Variants in COL4A6 observed in about 807,000 individuals in gnomAD.
COL4A6 encodes collagen alpha-6(IV) chain.
COL4A6 carries 59 observed loss-of-function variants against 126.7 expected under a neutral mutation model. The ratio of observed to expected loss-of-function variants is 0.47; its 90% CI spans 0.38 to 0.58. COL4A6 has a LOEUF of 0.58. Ranked by LOEUF, COL4A6 falls within the 20% of genes least tolerant of loss-of-function variation. The probability of loss-of-function intolerance (pLI) is 0.00; values close to 1 mark genes in which losing one functional copy is unlikely to be tolerated. For synonymous variants in COL4A6, 547 were observed against 496.6 expected (o/e 1.10, Z -1.35); for missense variants, 1,285 against 1,337.3 (o/e 0.96, Z 0.61).
At chrX:108,385,266 G>A (rs994207190) in intron 2 of COL4A6, among the ~76,000 whole-genome samples, 9 of 106,429 alleles carry the variant, frequency 8.5e-5, no homozygotes, top group Non-Finnish European at 1.2e-4. Flanking sequence ...CTATCAAAAA[G>A]AATTAAATAT....
intron 2 of COL4A6, among the ~76,000 whole-genome samples, chrX:108,382,306 T>A (rs1265125278): frequency 8.9e-6 from 1 of 112,390 alleles, no homozygotes; most frequent in Non-Finnish European, 1.9e-5. Context: ...AGTTTTCTCG[T>A]ATCTACCCAC....
chrX:108,393,789 G>A (rs1395563092), intron 2 of COL4A6, among the ~76,000 whole-genome samples: 1 of 112,224 alleles, frequency 8.9e-6, no homozygotes, highest in Non-Finnish European at 1.9e-5. Flanking sequence ...ATACTGGAGA[G>A]GATGTGGAGA....
intron 2 of COL4A6, among the ~76,000 whole-genome samples, chrX:108,376,399 A>T (rs1346939803): frequency 9.1e-6 from 1 of 109,987 alleles, no homozygotes; most frequent in Non-Finnish European, 1.9e-5. Flanking sequence ...ATGCAAGACC[A>T]GCCTGGCCAA....
At chrX:108,214,952 T>G (rs755460647) in intron 5 of COL4A6, among the ~76,000 whole-genome samples, 43 of 111,613 alleles carry the variant, frequency 3.9e-4, no homozygotes, top group Non-Finnish European at 6.4e-4. Context: ...GTACATAGAG[T>G]CTACCCTTTT....
intron 11 of COL4A6, 180 bp from the exon 12 acceptor site, chrX:108,204,592 C>A: frequency 1.9e-6 from 1 of 530,666 alleles, no homozygotes; most frequent in East Asian, 3.4e-5. Context: ...ATTATAAGCC[C>A]GACCAGTGAA....
intron 2 of COL4A6, among the ~76,000 whole-genome samples, chrX:108,424,661 T>C (rs2064041542): frequency 9.0e-6 from 1 of 111,635 alleles, no homozygotes; most frequent in Non-Finnish European, 1.9e-5. Context: ...TGGAAGTAAC[T>C]GAAATTGTGC....
In COL4A6 at chrX:108,175,734, C is replaced by T; in HGVS notation, c.2750G>A (p.Gly917Glu). The change falls in exon 29 of 45, where the codon GGA (glycine) becomes GAA (glutamate). Residue 917 changes from glycine (G) to glutamate (E), a missense_variant. Gly to Glu is a moderately conservative substitution (Grantham distance 98, BLOSUM62 -2). Coordinates refer to ENST00000334504, the MANE Select transcript of COL4A6 (RefSeq NM_033641.4). ...TGGAATTCCTTTTAATCCTCTTGTTCCAGGAATACCAGGCAGACCTGGTAT... is the reference window on the plus strand; with the variant it reads ...TGGAATTCCTTTTAATCCTCTTGTTTCAGGAATACCAGGCAGACCTGGTAT... ...PGIPGLPGIP[G>E]TRGLKGIPGS... 3 of 1,194,039 alleles carry T rather than the reference C, an allele frequency of 2.5e-6. No individual in the cohort carries two copies. The highest frequency in any genetic ancestry group is 3.4e-6 in the Non-Finnish European group (3 of 881,401).
At chrX:108,271,169 C>T (rs1031580815) in intron 3 of COL4A6, among the ~76,000 whole-genome samples, 1 of 112,051 alleles carries the variant, frequency 8.9e-6, no homozygotes, top group East Asian at 2.8e-4. Flanking sequence ...ATTCTGCCAG[C>T]TCTCTTCCAA....
chrX:108,335,489 A>G (rs1430250637), intron 2 of COL4A6, among the ~76,000 whole-genome samples: 1 of 111,869 alleles, frequency 8.9e-6, no homozygotes, highest in African/African-American at 3.2e-5. Context: ...TCTTCCTGGA[A>G]AGTGTCGGTT....
intron 3 of COL4A6, among the ~76,000 whole-genome samples, chrX:108,302,895 A>T (rs184312681): frequency 9.0e-6 from 1 of 111,481 alleles, no homozygotes; most frequent in Non-Finnish European, 1.9e-5. Flanking sequence ...AAATTATTTA[A>T]TCCTAAATCT....
intron 2 of COL4A6, among the ~76,000 whole-genome samples, chrX:108,418,540 C>T (rs746119554): frequency 1.1e-3 from 119 of 111,706 alleles, no homozygotes; most frequent in African/African-American, 3.7e-3. Context: ...CAAGAAATAA[C>T]TCTGTAAGAA....
At chrX:108,428,413 A>G (rs1330297684) in intron 2 of COL4A6, among the ~76,000 whole-genome samples, 3 of 111,896 alleles carry the variant, frequency 2.7e-5, no homozygotes, top group Admixed American at 9.5e-5. Context: ...ACTGGGGGGA[A>G]AAGATGGGAG....
intron 23 of COL4A6, among the ~76,000 whole-genome samples, chrX:108,182,220 G>T (rs2034708573): frequency 8.9e-6 from 1 of 112,486 alleles, no homozygotes; most frequent in Non-Finnish European, 1.9e-5. Flanking sequence ...TTTCTCATAT[G>T]GTGTGTGTGA....
At chrX:108,231,534 T>C (rs1356388573) in intron 3 of COL4A6, among the ~76,000 whole-genome samples, 1 of 112,260 alleles carries the variant, frequency 8.9e-6, no homozygotes, top group Admixed American at 9.5e-5. Context: ...AACAGGTGGG[T>C]ATTAATCTCA....
At position 108,187,112 on chromosome X, in the gene COL4A6, G is replaced by T; in HGVS notation, c.1935C>A (p.Gly645=). ...ATGACTCACCCTTAGATCCGGGAAG[G>T]CCTTGTTGTCCCGGTAATCCATCCT... ...KGKDGLPGQQ[G]LPGSKGITLP... is the part of the protein sequence containing the mutation. The change falls in exon 23 of 45, where the codon GGC becomes GGA. Residue 645 remains glycine, a synonymous_variant. Coordinates refer to ENST00000334504, the MANE Select transcript of COL4A6 (RefSeq NM_033641.4). 1 of 1,162,579 alleles carries T rather than the reference G, an allele frequency of 8.6e-7. No individual in the cohort carries two copies. Among genetic ancestry groups the T allele is most frequent in the Non-Finnish European group, 1.2e-6 (1 of 866,260 alleles).
At chrX:108,345,587 T>C (rs1181275973) in intron 2 of COL4A6, among the ~76,000 whole-genome samples, 1 of 111,764 alleles carries the variant, frequency 8.9e-6, no homozygotes. Flanking sequence ...CTGCCCCTTA[T>C]GCAAATTACG....
At chrX:108,398,890 CAA>C (rs1372787790) in intron 2 of COL4A6, among the ~76,000 whole-genome samples, 1 of 111,179 alleles carries the variant, frequency 9.0e-6, no homozygotes, top group East Asian at 2.8e-4. Context: ...AAGAGTCAAA[CAA>C]GAGGGAAAGA....
Position 108,336,361 on chromosome X carries a change from T to C in COL4A6, c.64-25533A>G, listed in dbSNP as rs548617463. ...TGATACATATTACAACACAGATGAATGTCGAAAAGGTTATGCTAAATTAAA... is the reference window on the plus strand; with the variant it reads ...TGATACATATTACAACACAGATGAACGTCGAAAAGGTTATGCTAAATTAAA... On this transcript the variant is annotated intron_variant, in intron 2 of 44. Coordinates refer to ENST00000334504, the MANE Select transcript of COL4A6 (RefSeq NM_033641.4). Among the ~76,000 whole-genome samples, 22 of 112,004 alleles carry C rather than the reference T, an allele frequency of 2.0e-4. No individual in the cohort carries two copies. The South Asian group carries it at 8.2e-3, about 42-fold the overall frequency.
chrX:108,277,115 G>C (rs1259871346), intron 3 of COL4A6, among the ~76,000 whole-genome samples: 2 of 111,715 alleles, frequency 1.8e-5, no homozygotes, highest in Non-Finnish European at 3.8e-5. Context: ...TGAGGTACCA[G>C]GTTCATCTCA....
Sources: allele counts gnomAD v4.1 joint callset (sites outside exome capture counted in the v4.1 genomes callset), GRCh38; gene constraint gnomAD v4.1.1; transcripts MANE v1.5; gene names NCBI Gene and HGNC (gene_info 2026-07-23, HGNC 2026-07-21).